The following HDAC9 variants were observed in gnomAD, a reference collection of about 807,000 sequenced individuals.
The protein encoded by HDAC9 is histone deacetylase 9, also known as MEF-2 interacting transcription repressor (MITR) protein.
A neutral mutation model predicts 139.4 loss-of-function variants in HDAC9; 41 were observed. The ratio of observed to expected loss-of-function variants is 0.29; its 90% CI spans 0.23 to 0.38. HDAC9 has a LOEUF of 0.38. Among genes scored for constraint, HDAC9 ranks in the 10% least tolerant of loss-of-function variants. The pLI, the probability that HDAC9 is intolerant of heterozygous loss-of-function variation, is 1.00. For synonymous variants in HDAC9, 517 were observed against 476.2 expected (o/e 1.09, Z -1.12); for missense variants, 1,147 against 1,297.0 (o/e 0.88, Z 1.78).
At chr7:18,828,557 A>G (rs1237161642) in intron 17 of HDAC9, among the ~76,000 whole-genome samples, 2 of 152,220 alleles carry the variant, frequency 1.3e-5, no homozygotes, top group Admixed American at 1.3e-4. Flanking sequence ...GGAATCCAAT[A>G]AAGTTGCAAG....
chr7:18,615,129 G>A (rs902665108), intron 6 of HDAC9, among the ~76,000 whole-genome samples: 1 of 151,590 alleles, frequency 6.6e-6, no homozygotes, highest in South Asian at 2.1e-4. Flanking sequence ...CAGATGGAAG[G>A]TTACATTTTA....
intron 22 of HDAC9, among the ~76,000 whole-genome samples, chr7:18,934,719 T>C (rs2129308885): frequency 6.6e-6 from 1 of 152,254 alleles, no homozygotes; most frequent in Middle Eastern, 3.4e-3. Context: ...TTCTTACATA[T>C]ACTGTTTCTG....
chr7:18,942,366 T>A (rs1782084342), intron 23 of HDAC9, among the ~76,000 whole-genome samples: 1 of 152,036 alleles, frequency 6.6e-6, no homozygotes, highest in African/African-American at 2.4e-5. Flanking sequence ...TGTTTGGATT[T>A]GTTCGTTTTG....
chr7:18,731,925 C>T (rs772249725), intron 13 of HDAC9, among the ~76,000 whole-genome samples: 1 of 152,018 alleles, frequency 6.6e-6, no homozygotes, highest in Non-Finnish European at 1.5e-5. Flanking sequence ...CAGGCCCAGC[C>T]TTAAAAAAAT....
chr7:18,505,504 T>C (rs1242422869), intron 2 of HDAC9, among the ~76,000 whole-genome samples: 2 of 152,226 alleles, frequency 1.3e-5, no homozygotes, highest in Admixed American at 1.3e-4. Context: ...TATATATCTG[T>C]CCAATTTGGG....
At chr7:18,880,393 A>T (rs1241636004) in intron 22 of HDAC9, among the ~76,000 whole-genome samples, 3 of 152,192 alleles carry the variant, frequency 2.0e-5, no homozygotes, top group Non-Finnish European at 4.4e-5. Flanking sequence ...AATAGCAGTG[A>T]CCTGGAATCA....
At chr7:18,398,247 A>C (rs904040310) in intron 1 of HDAC9, among the ~76,000 whole-genome samples, 1 of 152,224 alleles carries the variant, frequency 6.6e-6, no homozygotes, top group African/African-American at 2.4e-5. Flanking sequence ...CACAACTCAG[A>C]AAAACATAGA....
intron 1 of HDAC9, among the ~76,000 whole-genome samples, chr7:18,430,244 G>A (rs751281119): frequency 2.0e-4 from 30 of 151,954 alleles, no homozygotes; most frequent in Non-Finnish European, 2.8e-4. Context: ...TTTTTTTGGC[G>A]ATGGTGTCTT....
At chr7:18,452,811 A>AT (rs1326897060) in intron 1 of HDAC9, among the ~76,000 whole-genome samples, 1 of 152,092 alleles carries the variant, frequency 6.6e-6, no homozygotes, top group Non-Finnish European at 1.5e-5. Context: ...TGTCACTGTG[A>AT]TTGTGAGGCC....
At chr7:18,675,904 A>G (rs1354337684) in intron 12 of HDAC9, among the ~76,000 whole-genome samples, 1 of 152,102 alleles carries the variant, frequency 6.6e-6, no homozygotes, top group East Asian at 1.9e-4. Flanking sequence ...CTCACCTCCC[A>G]TAAAAAGAAT....
chr7:18,670,109 C>T (rs1795579524), intron 12 of HDAC9, among the ~76,000 whole-genome samples: 2 of 151,356 alleles, frequency 1.3e-5, no homozygotes, highest in African/African-American at 4.9e-5. Context: ...AATTTTGAAT[C>T]GCTGTAATAT....
intron 1 of HDAC9, among the ~76,000 whole-genome samples, chr7:18,087,385 C>T (rs530870906): frequency 5.1e-4 from 77 of 152,254 alleles, no homozygotes; most frequent in African/African-American, 1.7e-3. Context: ...GCCCGGAGAC[C>T]GGTGGGTTTA....
intron 1 of HDAC9, among the ~76,000 whole-genome samples, chr7:18,474,998 G>A (rs1263942092): frequency 6.6e-6 from 1 of 152,230 alleles, no homozygotes; most frequent in Non-Finnish European, 1.5e-5. Flanking sequence ...GTCACAGTAA[G>A]TGTTAATAGA....
intron 12 of HDAC9, among the ~76,000 whole-genome samples, chr7:18,689,606 C>T (rs974483116): frequency 1.1e-4 from 16 of 152,000 alleles, no homozygotes; most frequent in African/African-American, 3.4e-4. Context: ...TGTTGGCTTA[C>T]GGTTTTACAG....
At chr7:18,361,356 C>G (rs1783763460) in intron 1 of HDAC9, among the ~76,000 whole-genome samples, 3 of 152,154 alleles carry the variant, frequency 2.0e-5, no homozygotes, top group Admixed American at 2.0e-4. Context: ...ACCCACACCT[C>G]TCTCCTGAAG....
intron 24 of HDAC9, among the ~76,000 whole-genome samples, chr7:18,955,751 TC>T (rs1366209160): frequency 6.6e-6 from 1 of 152,082 alleles, no homozygotes. Flanking sequence ...GTTTCTTCAG[TC>T]CCTTTCAACT....
At chr7:18,213,014 C>A (rs973508627) in intron 2 of HDAC9, among the ~76,000 whole-genome samples, 3 of 152,148 alleles carry the variant, frequency 2.0e-5, no homozygotes, top group African/African-American at 7.2e-5. Context: ...CTTTAGACAG[C>A]ATGTAATTTG....
intron 12 of HDAC9, among the ~76,000 whole-genome samples, chr7:18,721,189 C>T (rs772714395): frequency 6.6e-6 from 1 of 151,976 alleles, no homozygotes; most frequent in South Asian, 2.1e-4. Flanking sequence ...AATATTACAA[C>T]AATGAACACT....
intron 21 of HDAC9, among the ~76,000 whole-genome samples, chr7:18,842,617 A>G (rs900357143): frequency 6.6e-6 from 1 of 152,148 alleles, no homozygotes; most frequent in South Asian, 2.1e-4. Flanking sequence ...ATCCATAGGA[A>G]TAAATTTGAG....
Sources: gnomAD v4.1 joint callset for allele counts (sites outside exome capture counted in the v4.1 genomes callset) on GRCh38, gnomAD v4.1.1 for gene constraint, MANE v1.5 for transcripts, NCBI Gene and HGNC (gene_info 2026-07-23, HGNC 2026-07-21) for gene names.